The following UTP4 variants were observed in gnomAD, a reference collection of about 807,000 sequenced individuals.
The protein encoded by UTP4 is U3 small nucleolar RNA-associated protein 4 homolog.
Under a neutral mutation model 82.4 loss-of-function variants are expected in UTP4, and 45 were observed. That is an observed-to-expected ratio of 0.55 (90% CI 0.43 to 0.70). The LOEUF (loss-of-function observed/expected upper bound fraction) is 0.70. UTP4 is among the 30% of genes least tolerant of loss of function. The pLI, the probability that UTP4 is intolerant of heterozygous loss-of-function variation, is 0.00. For synonymous variants in UTP4, 348 were observed against 300.3 expected (o/e 1.16, Z -1.64); for missense variants, 819 against 858.3 (o/e 0.95, Z 0.57).
intron 12 of UTP4, among the ~76,000 whole-genome samples, chr16:69,159,978 C>G (rs946202039): frequency 1.3e-5 from 2 of 148,912 alleles, no homozygotes; most frequent in Admixed American, 1.3e-4. Context: ...GAGCTAGACT[C>G]CATCTCAAAA....
chr16:69,139,694 T>C, intron 4 of UTP4, 131 bp from the exon 5 acceptor site: 1 of 428,694 alleles, frequency 2.3e-6, no homozygotes, highest in South Asian at 4.7e-5. Flanking sequence ...AAAATGGTGC[T>C]TCAAGGAGTA....
At chr16:69,150,935 C>T (rs548781448) in intron 8 of UTP4, 31 bp downstream of exon 8, 18 of 1,495,714 alleles carry the variant, frequency 1.2e-5, no homozygotes, top group Non-Finnish European at 1.7e-5. Flanking sequence ...CCTGCTAACC[C>T]CTCATCTCCC....
At chr16:69,148,441 C>G (rs1332289832) in intron 6 of UTP4, among the ~76,000 whole-genome samples, 1 of 151,236 alleles carries the variant, frequency 6.6e-6, no homozygotes, top group African/African-American at 2.4e-5. Context: ...TCATGTTGGC[C>G]AGGCTGGTCT....
chr16:69,145,325 G>A (rs947162270), intron 6 of UTP4, among the ~76,000 whole-genome samples: 11 of 151,884 alleles, frequency 7.2e-5, no homozygotes, highest in African/African-American at 2.7e-4. Flanking sequence ...CAGTGGTGCA[G>A]TCTCGGCTCA....
chr16:69,147,057 A>G (rs1567604778), intron 6 of UTP4, among the ~76,000 whole-genome samples: 1 of 149,780 alleles, frequency 6.7e-6, no homozygotes, highest in Non-Finnish European at 1.5e-5. Flanking sequence ...CGTGCCTGTA[A>G]TCCCAGCTAC....
In UTP4 at chr16:69,136,898, A is replaced by G. The variant is rs1597132681; in HGVS notation, c.351+11A>G. ...GGCTCTCAACTTTTGGTTAGTAAGCAACTATTGGTAATTCAAACCAAAATT... is the reference window on the plus strand; with the variant it reads ...GGCTCTCAACTTTTGGTTAGTAAGCGACTATTGGTAATTCAAACCAAAATT... On this transcript the variant is annotated intron_variant, in intron 3 of 16. Coordinates refer to ENST00000314423, the MANE Select transcript of UTP4 (RefSeq NM_032830.3). 6.2e-7 allele frequency: 1 copy of G among 1,613,766 alleles called. No homozygotes were observed. Among genetic ancestry groups the G allele is most frequent in the Non-Finnish European group, 8.5e-7 (1 of 1,179,662 alleles).
At chr16:69,137,966 C>A in intron 4 of UTP4, 81 bp downstream of exon 4, 1 of 882,730 alleles carries the variant, frequency 1.1e-6, no homozygotes, top group Middle Eastern at 2.1e-4. Context: ...GGATATTTTC[C>A]CATGAATCCA....
At chr16:69,134,169 C>T (rs902847104) in intron 2 of UTP4, among the ~76,000 whole-genome samples, 1 of 152,104 alleles carries the variant, frequency 6.6e-6, no homozygotes, top group African/African-American at 2.4e-5. Flanking sequence ...TTCTTCTCCC[C>T]TCCAAGGGCA....
Position 69,133,514 on chromosome 16 carries a change from A to G in UTP4, c.55A>G (p.Ile19Val). Residue 19 changes from isoleucine (I) to valine (V), a missense_variant, in exon 2 of 17, where the codon ATC becomes GTC. By Grantham distance (29) the Ile-to-Val change is conservative (BLOSUM62 3). Coordinates refer to ENST00000314423, the MANE Select transcript of UTP4 (RefSeq NM_032830.3). ...VRFFNYVPSG[I>V]RCVAYNNQSN... ...TTTCTTTAATTATGTTCCATCAGGAATCCGCTGTGTGGCTTACAATAACCA... is the reference window on the plus strand; with the variant it reads ...TTTCTTTAATTATGTTCCATCAGGAGTCCGCTGTGTGGCTTACAATAACCA... 6.2e-7 allele frequency: 1 copy of G among 1,614,202 alleles called. No individual in the cohort carries two copies.
At chr16:69,157,693 C>G (rs551685181) in intron 12 of UTP4, among the ~76,000 whole-genome samples, 7 of 151,984 alleles carry the variant, frequency 4.6e-5, no homozygotes, top group Non-Finnish European at 1.0e-4. Flanking sequence ...CTCTTGGGCT[C>G]AAGTTATCTT....
At position 69,136,692 on chromosome 16, in the gene UTP4, G is replaced by C; in HGVS notation, c.160-4G>C. The stretch of plus-strand genomic sequence containing the variant: ...AATGTTGAGAAGTTATGGTGTTTCT[G>C]CAGTTTTTCCCAGGTCATGAGTCTC... On this transcript the variant is annotated splice_region_variant and splice_polypyrimidine_tract_variant and intron_variant, in intron 2 of 16. Transcript: ENST00000314423. 1 of 1,613,938 alleles carries C rather than the reference G, an allele frequency of 6.2e-7. No homozygotes were observed.
At chr16:69,163,336 C>T (rs544500540) in intron 14 of UTP4, among the ~76,000 whole-genome samples, 158 bp downstream of exon 14, 1 of 152,224 alleles carries the variant, frequency 6.6e-6, no homozygotes, top group South Asian at 2.1e-4. Context: ...GGTCTGGGCT[C>T]ATCATAGGCC....
chr16:69,163,583 A>G (rs1029409199), intron 14 of UTP4, among the ~76,000 whole-genome samples: 4 of 152,150 alleles, frequency 2.6e-5, no homozygotes, highest in Admixed American at 6.5e-5. Context: ...GAGGAAATCA[A>G]GCCCTAATAA....
chr16:69,137,946 A>G (rs1353794450), intron 4 of UTP4, 61 bp downstream of exon 4: 1 of 993,852 alleles, frequency 1.0e-6, no homozygotes, highest in Non-Finnish European at 1.6e-6. Flanking sequence ...TTTCTGTGCC[A>G]CTGGGGATGG....
chr16:69,149,959 C>G (rs748065885), intron 6 of UTP4, among the ~76,000 whole-genome samples: 1 of 152,102 alleles, frequency 6.6e-6, no homozygotes, highest in African/African-American at 2.4e-5. Flanking sequence ...AACTCCTGGC[C>G]TCAAGTGATC....
Position 69,150,726 on chromosome 16 carries a change from T to G in UTP4, c.910+18T>G. 6.2e-7 allele frequency: 1 copy of G among 1,614,152 alleles called. No homozygotes were observed. The highest frequency in any genetic ancestry group is 8.5e-7 in the Non-Finnish European group (1 of 1,179,996). Reference sequence around the variant, plus strand: ...ATCTGGAGGTGGGTTCCCCCTCTGGTGAGGCTGCTGCTTTACCCTGCCCAG... The same window carrying G: ...ATCTGGAGGTGGGTTCCCCCTCTGGGGAGGCTGCTGCTTTACCCTGCCCAG... On this transcript the variant is annotated intron_variant, in intron 7 of 16. Coordinates refer to ENST00000314423, the MANE Select transcript of UTP4 (RefSeq NM_032830.3).
chr16:69,147,542 T>C (rs927024122), intron 6 of UTP4, among the ~76,000 whole-genome samples: 3 of 152,016 alleles, frequency 2.0e-5, no homozygotes, highest in Non-Finnish European at 2.9e-5. Flanking sequence ...AATGCTACTC[T>C]GAACATTGAG....
At chr16:69,163,979 G>A (rs759500178) in intron 14 of UTP4, among the ~76,000 whole-genome samples, 7 of 149,074 alleles carry the variant, frequency 4.7e-5, no homozygotes, top group Admixed American at 3.4e-4. Flanking sequence ...TCCGCCTTCC[G>A]GGTTCATGTC....
chr16:69,133,150 C>G, intron 1 of UTP4: 3 of 387,432 alleles, frequency 7.7e-6, no homozygotes, highest in Non-Finnish European at 1.5e-5. Context: ...GCAAACTTAG[C>G]AATAGAGTTG....
Sources: allele counts gnomAD v4.1 joint callset (sites outside exome capture counted in the v4.1 genomes callset), GRCh38; gene constraint gnomAD v4.1.1; transcripts MANE v1.5; gene names NCBI Gene and HGNC (gene_info 2026-07-23, HGNC 2026-07-21).